MMUT: variants seen among roughly 807,000 people sequenced by gnomAD.
MMUT encodes the protein methylmalonyl-CoA mutase.
MMUT carries 79 observed loss-of-function variants against 79.9 expected under a neutral mutation model. That is an observed-to-expected ratio of 0.99 (90% confidence interval 0.82 to 1.19). The LOEUF (loss-of-function observed/expected upper bound fraction) is 1.19. Among genes scored for constraint, MMUT ranks in the 50% most tolerant of loss-of-function variants. The pLI is 0.00. For synonymous variants in MMUT, 273 were observed against 295.7 expected (o/e 0.92, Z 0.79); for missense variants, 860 against 917.2 (o/e 0.94, Z 0.81).
Position 49,440,327 on chromosome 6 carries a change from C to T in MMUT, c.1835G>A (p.Gly612Asp). The T allele has an allele frequency of 6.2e-7, 1 of 1,613,972 alleles. No homozygotes were observed. Among genetic ancestry groups the T allele is most frequent in the Non-Finnish European group, 8.5e-7 (1 of 1,179,946 alleles). ...TGCTACAAGAAGACGAGGTCTGCGA[C>T]CTTCACGTTCCATGAATTTATGAAC... The part of the protein sequence containing the change: ...KRVHKFMERE[G>D]RRPRLLVAKM... Residue 612 changes from glycine to aspartate, a missense_variant, in exon 11 of 13, where the codon GGT (glycine) becomes GAT (aspartate). Gly to Asp is a moderately conservative substitution (Grantham distance 94). Transcript: ENST00000274813.
intron 8 of MMUT, among the ~76,000 whole-genome samples, chr6:49,445,792 A>G (rs1458688093): frequency 6.6e-6 from 1 of 152,042 alleles, no homozygotes; most frequent in Non-Finnish European, 1.5e-5. Flanking sequence ...ATAGATGTGG[A>G]ACCCACAGAT....
chr6:49,439,819 C>T (rs1021086839), intron 11 of MMUT, among the ~76,000 whole-genome samples: 1 of 152,196 alleles, frequency 6.6e-6, no homozygotes, highest in African/African-American at 2.4e-5. Flanking sequence ...GCAACTGTCT[C>T]ACCAATAAGT....
rs1359684103 is a variant in MMUT at position 49,447,527 on chromosome 6, T to C, written c.1560+143A>G. 1.8e-5 allele frequency: 11 copies of C among 615,772 alleles called. No homozygotes were observed. In the South Asian group the frequency reaches 2.0e-4, roughly 11 times the overall value. The allele number at this position is 615,772 out of a possible 1,614,324, so 38.1% of individuals were successfully genotyped here. On this transcript the variant is annotated intron_variant, in intron 8 of 12. Coordinates refer to ENST00000274813, the MANE Select transcript of MMUT (RefSeq NM_000255.4). The stretch of plus-strand genomic sequence containing the variant: ...AGTTTCTCAATGCCTTATCTTTAGT[T>C]CCCTTACATTTGAAATGATGGAAAT...
chr6:49,441,147 T>C (rs528084587), intron 10 of MMUT, among the ~76,000 whole-genome samples: 1 of 152,182 alleles, frequency 6.6e-6, no homozygotes, highest in African/African-American at 2.4e-5. Context: ...AATTGGAAGC[T>C]TGTTACAGAG....
rs370898202 is a variant in MMUT at position 49,447,546 on chromosome 6, T to C, written c.1560+124A>G. The C allele has an allele frequency of 8.9e-4, 576 of 647,266 alleles. 4 individuals are homozygous for C. The African/African-American group carries it at 9.5e-3, about 11-fold the overall frequency. 40.1% of individuals were successfully genotyped at this position (647,266 alleles called of 1,614,324 possible). ...TTTAGTTCCCTTACATTTGAAATGA[T>C]GGAAATTAATACACACCTCATGCTG... On this transcript the variant is annotated intron_variant, in intron 8 of 12. Coordinates refer to ENST00000274813, the MANE Select transcript of MMUT (RefSeq NM_000255.4).
At chr6:49,456,297 A>G (rs1767688997) in intron 3 of MMUT, 60 bp from the exon 4 acceptor site, 1 of 1,164,066 alleles carries the variant, frequency 8.6e-7, no homozygotes, top group African/African-American at 1.5e-5. Flanking sequence ...GTCCTATTAA[A>G]TCCACTTTCT....
chr6:49,444,559 C>T (rs932027955), intron 9 of MMUT, 80 bp downstream of exon 9: 1 of 1,125,328 alleles, frequency 8.9e-7, no homozygotes, highest in African/African-American at 1.5e-5. Context: ...ACAGGATCAA[C>T]CTTTTATTTA....
At chr6:49,442,974 A>G (rs1362659776) in intron 9 of MMUT, among the ~76,000 whole-genome samples, 5 of 152,166 alleles carry the variant, frequency 3.3e-5, no homozygotes, top group African/African-American at 9.6e-5. Context: ...AGTAGTAGAA[A>G]AAAACAGTAC....
At chr6:49,442,230 A>G (rs938494210) in intron 9 of MMUT, among the ~76,000 whole-genome samples, 1 of 152,104 alleles carries the variant, frequency 6.6e-6, no homozygotes, top group African/African-American at 2.4e-5. Flanking sequence ...TAATAATTAT[A>G]TATATAGACA....
At chr6:49,432,489 G>A (rs1333909866) in intron 12 of MMUT, among the ~76,000 whole-genome samples, 1 of 152,032 alleles carries the variant, frequency 6.6e-6, no homozygotes, top group Non-Finnish European at 1.5e-5. Context: ...CCGGGTTCAC[G>A]CCATTCTCCT....
chr6:49,430,889 T>G lies in MMUT; in HGVS notation c.*839A>C, dbSNP rs956274204. The G allele has an allele frequency of 1.3e-5, 2 of 152,220 alleles. No homozygotes were observed. The highest frequency in any genetic ancestry group is 4.8e-5 in the African/African-American group (2 of 41,448). The allele number at this position is 152,220 out of a possible 1,614,324, so 9.4% of individuals were successfully genotyped here. A position where few individuals can be genotyped will look rare whatever the true frequency, so the allele number is the denominator to read the frequency against. On this transcript the variant is annotated 3_prime_UTR_variant, in exon 13 of 13. Transcript: ENST00000274813. ...ACAGGTGTTCTCTGTGATATTTTTATTTTTGCAATTTATGTTTAAGGAGCA... is the reference window on the plus strand; with the variant it reads ...ACAGGTGTTCTCTGTGATATTTTTAGTTTTGCAATTTATGTTTAAGGAGCA...
chr6:49,434,783 C>T (rs1178474683), intron 12 of MMUT, among the ~76,000 whole-genome samples: 1 of 152,068 alleles, frequency 6.6e-6, no homozygotes, highest in Non-Finnish European at 1.5e-5. Flanking sequence ...CAGTTTTGTT[C>T]ATGTATTCAC....
chr6:49,445,618 C>T (rs1228746958), intron 8 of MMUT, among the ~76,000 whole-genome samples: 1 of 152,004 alleles, frequency 6.6e-6, no homozygotes, highest in Non-Finnish European at 1.5e-5. Flanking sequence ...TACTTTAAAT[C>T]ATCTCTAGAT....
At position 49,456,278 on chromosome 6, in the gene MMUT, T is replaced by C. The variant is rs570136453; in HGVS notation, c.754-41A>G. 24 of 1,362,182 alleles carry C rather than the reference T, an allele frequency of 1.8e-5. No individual in the cohort carries two copies. In the South Asian group the frequency reaches 2.5e-4, roughly 14 times the overall value. 84.4% of individuals were successfully genotyped at this position (1,362,182 alleles called of 1,614,324 possible). On this transcript the variant is annotated intron_variant, in intron 3 of 12. Coordinates refer to ENST00000274813, the MANE Select transcript of MMUT (RefSeq NM_000255.4). ...AATTGTAACAGTGAATAAGTAAAAA[T>C]ATTAAAAGGTCCTATTAAATCCACT...
In MMUT at chr6:49,458,037, A is replaced by T; in HGVS notation, c.407T>A (p.Val136Asp). Reference protein sequence around the residue: ...NIKAGQQGLSVAFDLATHRGY... With the variant: ...NIKAGQQGLSDAFDLATHRGY... The stretch of plus-strand genomic sequence containing the variant: ...ACGATGTGTCGCCAGATCAAAGGCA[A>T]CTGATAATCCCTGCTGACCAGCTAA... Residue 136 changes from valine (V) to aspartate (D), a missense_variant, in exon 3 of 13, where the codon GTT (valine) becomes GAT (aspartate). Coordinates refer to ENST00000274813, the MANE Select transcript of MMUT (RefSeq NM_000255.4). 1 of 1,601,666 alleles carries T rather than the reference A, an allele frequency of 6.2e-7. No homozygotes were observed. Among genetic ancestry groups the T allele is most frequent in the Non-Finnish European group, 8.5e-7 (1 of 1,179,878 alleles).
intron 2 of MMUT, among the ~76,000 whole-genome samples, chr6:49,458,778 A>T (rs1767758681): frequency 6.6e-6 from 1 of 152,184 alleles, no homozygotes; most frequent in South Asian, 2.1e-4. Context: ...CTATCCCAAC[A>T]ATGTTAATTG....
intron 11 of MMUT, 101 bp from the exon 12 acceptor site, chr6:49,435,724 A>C: frequency 8.1e-7 from 1 of 1,229,380 alleles, no homozygotes; most frequent in Non-Finnish European, 1.1e-6. Context: ...GAACATACTA[A>C]TGGGCAAAGA....
intron 8 of MMUT, among the ~76,000 whole-genome samples, chr6:49,445,509 CTG>C (rs1285989607): frequency 7.2e-5 from 11 of 152,062 alleles, no homozygotes; most frequent in Non-Finnish European, 1.6e-4. Context: ...TCATGACCCA[CTG>C]CCCACCCTAT....
intron 3 of MMUT, among the ~76,000 whole-genome samples, chr6:49,456,799 T>C (rs567734427): frequency 3.6e-4 from 55 of 152,258 alleles, no homozygotes; most frequent in African/African-American, 1.3e-3. Flanking sequence ...GCTTTAAAAA[T>C]CAAAGATTTC....
Sources: gnomAD v4.1 joint callset for allele counts (sites outside exome capture counted in the v4.1 genomes callset) on GRCh38, gnomAD v4.1.1 for gene constraint, MANE v1.5 for transcripts, NCBI Gene and HGNC (gene_info 2026-07-23, HGNC 2026-07-21) for gene names.